The following KCNH8 variants were observed in gnomAD, a reference collection of about 807,000 sequenced individuals.
KCNH8 encodes potassium voltage-gated channel subfamily H member 8.
In KCNH8, 70 loss-of-function variants were observed where a neutral mutation model predicts 103.6. That is an observed-to-expected ratio of 0.68 (90% CI 0.56 to 0.82). KCNH8 has a LOEUF of 0.82. KCNH8 is among the 40% of genes least tolerant of loss of function. The probability of loss-of-function intolerance (pLI) is 0.00; values close to 1 mark genes in which losing one functional copy is unlikely to be tolerated. For missense variants in KCNH8, 1,217 were observed against 1,329.9 expected (o/e 0.92, Z 1.32); for synonymous variants, 498 against 489.4 (o/e 1.02, Z -0.23).
intron 1 of KCNH8, among the ~76,000 whole-genome samples, chr3:19,244,137 T>G (rs2064175604): frequency 6.6e-6 from 1 of 152,166 alleles, no homozygotes; most frequent in South Asian, 2.1e-4. Context: ...AAGAATAAAA[T>G]TATACTAAAT....
At chr3:19,492,368 AG>A (rs536482893) in intron 11 of KCNH8, among the ~76,000 whole-genome samples, 16 of 152,168 alleles carry the variant, frequency 1.1e-4, no homozygotes, top group African/African-American at 3.9e-4. Context: ...GACAGATAGG[AG>A]TCTAGTTTCA....
chr3:19,296,592 C>T (rs1468259051), intron 3 of KCNH8, among the ~76,000 whole-genome samples: 2 of 152,114 alleles, frequency 1.3e-5, no homozygotes, highest in Non-Finnish European at 2.9e-5. Context: ...TGAGGACTCT[C>T]TTGAGTGGCA....
chr3:19,510,261 C>T (rs1363946125), intron 11 of KCNH8, 102 bp from the exon 12 acceptor site: 1 of 753,190 alleles, frequency 1.3e-6, no homozygotes, highest in Non-Finnish European at 2.4e-6. Flanking sequence ...TTCCCTCCCA[C>T]AAACTCTGTA....
At chr3:19,354,040 A>G (rs1276439163) in intron 5 of KCNH8, among the ~76,000 whole-genome samples, 1 of 152,244 alleles carries the variant, frequency 6.6e-6, no homozygotes, top group Admixed American at 6.5e-5. Context: ...GCAAAGTCTC[A>G]GAATACAAAA....
intron 8 of KCNH8, among the ~76,000 whole-genome samples, chr3:19,443,592 A>G (rs1050243093): frequency 1.2e-4 from 18 of 151,820 alleles, no homozygotes; most frequent in Admixed American, 3.3e-4. Context: ...AGAGATTTAA[A>G]GCAAAAATAG....
chr3:19,171,556 A>G (rs1352596853), intron 1 of KCNH8, among the ~76,000 whole-genome samples: 6 of 152,192 alleles, frequency 3.9e-5, no homozygotes. Flanking sequence ...TCGAGTATTC[A>G]TTAGCTCGAC....
At chr3:19,224,025 T>C (rs2063902889) in intron 1 of KCNH8, among the ~76,000 whole-genome samples, 1 of 152,186 alleles carries the variant, frequency 6.6e-6, no homozygotes, top group Non-Finnish European at 1.5e-5. Flanking sequence ...TAGTGACACA[T>C]CTTATACTGA....
chr3:19,191,559 T>C (rs1320081312), intron 1 of KCNH8, among the ~76,000 whole-genome samples: 2 of 151,728 alleles, frequency 1.3e-5, no homozygotes, highest in Non-Finnish European at 3.0e-5. Flanking sequence ...AAATTTTCCT[T>C]TTTGTTTTTT....
At chr3:19,372,494 A>C (rs1159144024) in intron 5 of KCNH8, among the ~76,000 whole-genome samples, 1 of 151,886 alleles carries the variant, frequency 6.6e-6, no homozygotes, top group Non-Finnish European at 1.5e-5. Flanking sequence ...GTTGCTTATC[A>C]GCTTAAGGAG....
At chr3:19,478,983 T>A (rs905372119) in intron 11 of KCNH8, among the ~76,000 whole-genome samples, 1 of 152,178 alleles carries the variant, frequency 6.6e-6, no homozygotes, top group Non-Finnish European at 1.5e-5. Flanking sequence ...AAAGTTCTTT[T>A]GTGTAAAATT....
At chr3:19,184,006 C>T (rs1401317661) in intron 1 of KCNH8, among the ~76,000 whole-genome samples, 1 of 152,096 alleles carries the variant, frequency 6.6e-6, no homozygotes, top group Non-Finnish European at 1.5e-5. Context: ...AACAGCCACT[C>T]TGGGAGAGCA....
chr3:19,363,369 C>CT lies in KCNH8; in HGVS notation c.811+15410dup, dbSNP rs556714344. Among the ~76,000 whole-genome samples the CT allele has an allele frequency of 4.8e-3, 725 of 152,226 alleles. 3 individuals are homozygous for CT. Among genetic ancestry groups the CT allele is most frequent in the Non-Finnish European group, 7.8e-3 (528 of 68,000 alleles). ...CTGATCAGCATTTCAGCTCCCCCTC[C>CT]TTTTTTCCTGAACAGCTCTGAAGAG... On this transcript the variant is annotated intron_variant, in intron 5 of 15. Coordinates refer to ENST00000328405, the MANE Select transcript of KCNH8 (RefSeq NM_144633.3).
At chr3:19,262,859 C>A (rs2064455105) in intron 2 of KCNH8, among the ~76,000 whole-genome samples, 1 of 151,990 alleles carries the variant, frequency 6.6e-6, no homozygotes, top group African/African-American at 2.4e-5. Flanking sequence ...TTGAGTGAGA[C>A]CTGGGGAGAA....
intron 1 of KCNH8, among the ~76,000 whole-genome samples, chr3:19,197,049 A>G (rs762743601): frequency 1.3e-5 from 2 of 152,074 alleles, no homozygotes; most frequent in Non-Finnish European, 2.9e-5. Flanking sequence ...CCAACTCTGT[A>G]CATTAGTGTT....
chr3:19,515,316 A>T lies in KCNH8; in HGVS notation c.2436-6A>T. 1.3e-6 allele frequency: 2 copies of T among 1,544,790 alleles called. No homozygotes were observed. The highest frequency in any genetic ancestry group is 8.8e-7 in the Non-Finnish European group (1 of 1,130,616). On this transcript the variant is annotated splice_region_variant and splice_polypyrimidine_tract_variant and intron_variant, in intron 13 of 15. Transcript: ENST00000328405. ...ACAGCCAGCCAATTTCCTTTATTTT[A>T]AGTAGGATTGTTGATGGAATTGAAG...
chr3:19,203,576 T>C (rs2063684683), intron 1 of KCNH8, among the ~76,000 whole-genome samples: 1 of 152,044 alleles, frequency 6.6e-6, no homozygotes, highest in African/African-American at 2.4e-5. Context: ...TAAAAATGCA[T>C]CTTTGAGGAA....
At chr3:19,199,182 A>T (rs1221989820) in intron 1 of KCNH8, among the ~76,000 whole-genome samples, 1 of 152,166 alleles carries the variant, frequency 6.6e-6, no homozygotes, top group Non-Finnish European at 1.5e-5. Flanking sequence ...TCTGATAGTT[A>T]TTTGTGACTA....
At chr3:19,412,818 C>T (rs553134363) in intron 7 of KCNH8, among the ~76,000 whole-genome samples, 2 of 151,832 alleles carry the variant, frequency 1.3e-5, no homozygotes, top group South Asian at 2.1e-4. Flanking sequence ...AAGTTAAAAC[C>T]GTGAGATGTC....
chr3:19,309,831 C>A (rs2065186573), intron 3 of KCNH8, among the ~76,000 whole-genome samples: 1 of 151,902 alleles, frequency 6.6e-6, no homozygotes. Context: ...GAATCAGAAA[C>A]TATGTGAAAA....
Sources: allele counts gnomAD v4.1 joint callset (sites outside exome capture counted in the v4.1 genomes callset), GRCh38; gene constraint gnomAD v4.1.1; transcripts MANE v1.5; gene names NCBI Gene and HGNC (gene_info 2026-07-23, HGNC 2026-07-21).